The following CGNL1 variants were observed in gnomAD, a reference collection of about 807,000 sequenced individuals.
CGNL1 encodes cingulin like 1.
In CGNL1, 132 loss-of-function variants were observed where a neutral mutation model predicts 141.2. The ratio of observed to expected loss-of-function variants is 0.93; its 90% confidence interval spans 0.81 to 1.08. The LOEUF (loss-of-function observed/expected upper bound fraction) is 1.08. Among genes scored for constraint, CGNL1 ranks in the 50% least tolerant of loss-of-function variants. The pLI, the probability that CGNL1 is intolerant of heterozygous loss-of-function variation, is 0.00. For missense variants in CGNL1, 1,870 were observed against 1,588.6 expected (o/e 1.18, Z -3.01); for synonymous variants, 690 against 622.1 (o/e 1.11, Z -1.63).
chr15:57,447,321 A>G (rs2921429), intron 4 of CGNL1, among the ~76,000 whole-genome samples: 6,836 of 152,144 alleles, frequency 0.045, 313 homozygotes, highest in East Asian at 0.12. Context: ...CTGGAGAACT[A>G]TTTTTTGAAT....
chr15:57,394,847 C>T (rs1481354646), intron 1 of CGNL1, among the ~76,000 whole-genome samples: 1 of 152,228 alleles, frequency 6.6e-6, no homozygotes, highest in Non-Finnish European at 1.5e-5. Flanking sequence ...CGCAGTGGCT[C>T]ATGCCTGTAA....
intron 8 of CGNL1, among the ~76,000 whole-genome samples, chr15:57,479,065 C>T (rs1162395276): frequency 1.3e-5 from 2 of 152,218 alleles, no homozygotes; most frequent in Non-Finnish European, 2.9e-5. Flanking sequence ...CACTCTCCTT[C>T]CCCCAGCTCT....
At chr15:57,421,823 C>T (rs1299547260) in intron 1 of CGNL1, among the ~76,000 whole-genome samples, 3 of 151,840 alleles carry the variant, frequency 2.0e-5, no homozygotes, top group Admixed American at 2.0e-4. Context: ...TGGACAGGGA[C>T]AGCAGCAGGG....
At chr15:57,544,933 A>G (rs1487507089) in intron 16 of CGNL1, among the ~76,000 whole-genome samples, 1 of 152,168 alleles carries the variant, frequency 6.6e-6, no homozygotes, top group Non-Finnish European at 1.5e-5. Flanking sequence ...ACAGAGTTTG[A>G]GCCACGTTAG....
intron 8 of CGNL1, among the ~76,000 whole-genome samples, chr15:57,501,140 G>GGGCAC (rs1454694436): frequency 6.6e-6 from 1 of 152,160 alleles, no homozygotes; most frequent in Admixed American, 6.5e-5. Context: ...GTGCTGGGCT[G>GGGCAC]GGCACAGAGT....
At chr15:57,517,180 G>A (rs1246546885) in intron 9 of CGNL1, among the ~76,000 whole-genome samples, 194 bp downstream of exon 9, 1 of 152,166 alleles carries the variant, frequency 6.6e-6, no homozygotes, top group South Asian at 2.1e-4. Flanking sequence ...CCAGGGAACA[G>A]GGACGGTGAG....
intron 8 of CGNL1, among the ~76,000 whole-genome samples, chr15:57,479,872 G>T (rs2063703935): frequency 6.6e-6 from 1 of 152,158 alleles, no homozygotes; most frequent in African/African-American, 2.4e-5. Context: ...GCACCAAGAA[G>T]TGAAAGAGGA....
At chr15:57,406,836 G>A (rs964810276) in intron 1 of CGNL1, 2 of 152,340 alleles carry the variant, frequency 1.3e-5, no homozygotes, top group Middle Eastern at 3.4e-3. Flanking sequence ...AATAAAAATT[G>A]TTTTCCTGAA....
chr15:57,428,436 G>T (rs552179422), intron 1 of CGNL1, among the ~76,000 whole-genome samples: 76 of 152,218 alleles, frequency 5.0e-4, no homozygotes, highest in Non-Finnish European at 7.8e-4. Context: ...CATCAGACAA[G>T]ATGGTACAAA....
chr15:57,411,203 A>G (rs1273979613), intron 1 of CGNL1, among the ~76,000 whole-genome samples: 1 of 152,136 alleles, frequency 6.6e-6, no homozygotes, highest in Non-Finnish European at 1.5e-5. Context: ...TCCTTTTTAG[A>G]ATACGAGCTT....
At position 57,438,874 on chromosome 15, in the gene CGNL1, G is replaced by A. The variant is rs2063144266; in HGVS notation, c.875G>A (p.Arg292Gln). The change falls in exon 2 of 19, where the codon CGG becomes CAG. Residue 292 changes from arginine to glutamine, a missense_variant. By Grantham distance (43) the Arg-to-Gln change is conservative. Coordinates refer to ENST00000281282, the MANE Select transcript of CGNL1 (RefSeq NM_032866.5). ...DSAGPVLDGA[R>Q]SRRSSSSSTT... The stretch of plus-strand genomic sequence containing the variant: ...GCGGGACCCGTCCTGGATGGAGCTC[G>A]GTCCCGGAGGTCCTCCTCGTCATCC... 4 of 1,614,142 alleles carry A rather than the reference G, an allele frequency of 2.5e-6. No individual in the cohort carries two copies. The highest frequency in any genetic ancestry group is 2.2e-5 in the East Asian group (1 of 44,876).
chr15:57,515,993 C>T (rs1371106705), intron 8 of CGNL1, among the ~76,000 whole-genome samples: 2 of 151,630 alleles, frequency 1.3e-5, no homozygotes, highest in Admixed American at 1.3e-4. Flanking sequence ...CCCGTCTCTA[C>T]TAAAAATATA....
chr15:57,456,499 AAAAT>A (rs1209393117), intron 7 of CGNL1, among the ~76,000 whole-genome samples: 25 of 151,860 alleles, frequency 1.6e-4, no homozygotes, highest in Admixed American at 1.1e-3. Flanking sequence ...CTTAAAAAAA[AAAAT>A]AAATAAAACA....
chr15:57,461,528 T>G, intron 7 of CGNL1, 152 bp from the exon 8 acceptor site: 2 of 668,014 alleles, frequency 3.0e-6, no homozygotes, highest in Non-Finnish European at 5.3e-6. Context: ...GAGGAAGAAA[T>G]GGTCTAAACA....
Position 57,407,869 on chromosome 15 carries a change from C to T in CGNL1, c.-15-30116C>T, listed in dbSNP as rs548104030. 4.6e-5 allele frequency among the ~76,000 whole-genome samples: 7 copies of T among 151,784 alleles called. No homozygotes were observed. In the East Asian group the frequency reaches 1.4e-3, roughly 29 times the overall value. Reference sequence around the variant, plus strand: ...GTTCAAGTGATTCTCCTGCCCCCGCCTCCTGAGTAGCTGGGATTACAGATG... The same window carrying T: ...GTTCAAGTGATTCTCCTGCCCCCGCTTCCTGAGTAGCTGGGATTACAGATG... On this transcript the variant is annotated intron_variant, in intron 1 of 18. Coordinates refer to ENST00000281282, the MANE Select transcript of CGNL1 (RefSeq NM_032866.5).
At chr15:57,545,811 T>C in intron 17 of CGNL1, 111 bp downstream of exon 17, 1 of 887,406 alleles carries the variant, frequency 1.1e-6, no homozygotes, top group Non-Finnish European at 1.8e-6. Flanking sequence ...GTGGGCTGAT[T>C]CCTCCCTTTC....
chr15:57,429,038 T>TA (rs58040196), intron 1 of CGNL1, among the ~76,000 whole-genome samples: 40,406 of 141,582 alleles, frequency 0.29, 5,980 homozygotes, highest in East Asian at 0.58. Context: ...ACAACAGCAA[T>TA]AAAAAAAAAA....
intron 8 of CGNL1, among the ~76,000 whole-genome samples, chr15:57,501,223 G>C (rs1398012403): frequency 6.6e-6 from 1 of 152,164 alleles, no homozygotes; most frequent in Non-Finnish European, 1.5e-5. Flanking sequence ...TGGCTGCCTG[G>C]GTTGGCTCCT....
intron 1 of CGNL1, among the ~76,000 whole-genome samples, chr15:57,385,904 A>G (rs574347490): frequency 1.1e-4 from 16 of 152,370 alleles, no homozygotes; most frequent in African/African-American, 3.8e-4. Context: ...TTAAAATGTC[A>G]GTAGAGCCAA....
Sources: allele counts gnomAD v4.1 joint callset (sites outside exome capture counted in the v4.1 genomes callset), GRCh38; gene constraint gnomAD v4.1.1; transcripts MANE v1.5; gene names NCBI Gene and HGNC (gene_info 2026-07-23, HGNC 2026-07-21).